Variants in CENPW observed in about 807,000 individuals in gnomAD.
CENPW encodes cancer-up-regulated gene 2 protein.
In CENPW, 3 loss-of-function variants were observed where a neutral mutation model predicts 11.1. The ratio of observed to expected loss-of-function variants is 0.27; its 90% CI spans 0.12 to 0.70. CENPW has a LOEUF of 0.70. Ranked by LOEUF, CENPW falls within the 30% of genes least tolerant of loss-of-function variation. The probability of loss-of-function intolerance (pLI) is 0.77; values close to 1 mark genes in which losing one functional copy is unlikely to be tolerated. For missense variants in CENPW, 100 were observed against 105.6 expected, an observed-to-expected ratio of 0.95 and a Z score of 0.23; for synonymous variants, 38 against 42.0, an observed-to-expected ratio of 0.91 and a Z score of 0.37.
At chr6:126,451,081 C>T in the CENPW span, among the ~76,000 whole-genome samples, 1 of 150,866 alleles carries the variant, frequency 6.6e-6, no homozygotes, top group Non-Finnish European at 1.5e-5. Flanking sequence ...TCTGTTTCAG[C>T]AAATATTAAG....
At chr6:126,387,267 G>C in the CENPW span, among the ~76,000 whole-genome samples, 1 of 151,772 alleles carries the variant, frequency 6.6e-6, no homozygotes, top group South Asian at 2.1e-4. Flanking sequence ...TCACATACTA[G>C]CTACTCTCAA....
the CENPW span, among the ~76,000 whole-genome samples, chr6:126,369,960 G>A: frequency 5.3e-5 from 8 of 152,270 alleles, no homozygotes; most frequent in African/African-American, 1.7e-4. Flanking sequence ...TATAACGTGA[G>A]AGATGAGGAT....
At chr6:126,413,968 C>T in the CENPW span, among the ~76,000 whole-genome samples, 11 of 151,462 alleles carry the variant, frequency 7.3e-5, 1 homozygote, top group Admixed American at 5.9e-4. Context: ...AGTGAAAAAT[C>T]GTAAAAAATA....
At chr6:126,395,094 G>A in the CENPW span, among the ~76,000 whole-genome samples, 1 of 152,006 alleles carries the variant, frequency 6.6e-6, no homozygotes, top group African/African-American at 2.4e-5. Flanking sequence ...GGTTTGGGAA[G>A]TTCTCTGTTA....
the CENPW span, among the ~76,000 whole-genome samples, chr6:126,454,482 A>C: frequency 6.6e-6 from 1 of 151,398 alleles, no homozygotes; most frequent in East Asian, 1.9e-4. Context: ...TTGAGTAAAC[A>C]ATGCAATTAA....
the CENPW span, among the ~76,000 whole-genome samples, chr6:126,353,984 A>T: frequency 9.9e-5 from 15 of 151,946 alleles, no homozygotes; most frequent in East Asian, 2.9e-3. Flanking sequence ...TGTTTTATCT[A>T]TCTTTTTCTT....
chr6:126,385,000 A>G, the CENPW span, among the ~76,000 whole-genome samples: 1 of 152,146 alleles, frequency 6.6e-6, no homozygotes, highest in South Asian at 2.1e-4. Context: ...GGAGAAGCAT[A>G]TGAAAAAAAG....
the CENPW span, among the ~76,000 whole-genome samples, chr6:126,394,853 T>A: frequency 6.6e-6 from 1 of 152,028 alleles, no homozygotes; most frequent in Non-Finnish European, 1.5e-5. Context: ...TTTTTTTTTT[T>A]AATTCAATAC....
At chr6:126,372,552 G>T in the CENPW span, among the ~76,000 whole-genome samples, 4 of 152,058 alleles carry the variant, frequency 2.6e-5, no homozygotes, top group Non-Finnish European at 5.9e-5. Flanking sequence ...ACATTATCAG[G>T]TATAGTTAGT....
At chr6:126,385,212 G>A in the CENPW span, among the ~76,000 whole-genome samples, 1 of 152,002 alleles carries the variant, frequency 6.6e-6, no homozygotes, top group Non-Finnish European at 1.5e-5. Flanking sequence ...TCCTCAAAGA[G>A]CTAAAAACAG....
the CENPW span, among the ~76,000 whole-genome samples, chr6:126,384,405 C>G: frequency 7.9e-5 from 12 of 152,106 alleles, no homozygotes; most frequent in African/African-American, 2.7e-4. Flanking sequence ...AACAAAGCAT[C>G]ATGGTACTAT....
chr6:126,421,114 G>A, the CENPW span, among the ~76,000 whole-genome samples: 1 of 151,986 alleles, frequency 6.6e-6, no homozygotes, highest in African/African-American at 2.4e-5. Flanking sequence ...TTAACTTTCT[G>A]TTACTCTTGT....
chr6:126,462,250 C>A, the CENPW span, among the ~76,000 whole-genome samples: 1 of 151,964 alleles, frequency 6.6e-6, no homozygotes, highest in Admixed American at 6.6e-5. Context: ...ATTAACATAT[C>A]CATCATCTCG....
chr6:126,377,098 GT>G, the CENPW span, among the ~76,000 whole-genome samples: 1 of 152,170 alleles, frequency 6.6e-6, no homozygotes, highest in African/African-American at 2.4e-5. Flanking sequence ...TTCTAATGTT[GT>G]GTGGAGAGTA....
At chr6:126,436,088 A>T in the CENPW span, among the ~76,000 whole-genome samples, 1 of 151,798 alleles carries the variant, frequency 6.6e-6, no homozygotes, top group Non-Finnish European at 1.5e-5. Context: ...GTTTATAATG[A>T]CAGAAAAATA....
At chr6:126,368,362 C>G in the CENPW span, among the ~76,000 whole-genome samples, 1 of 152,064 alleles carries the variant, frequency 6.6e-6, no homozygotes. Flanking sequence ...AGTAAAGGTT[C>G]TGTAATTAAG....
chr6:126,450,527 C>T, the CENPW span, among the ~76,000 whole-genome samples: 85 of 151,022 alleles, frequency 5.6e-4, no homozygotes, highest in African/African-American at 2.0e-3. Context: ...ATTTTTTCTT[C>T]TACCACATGA....
chr6:126,380,359 CAA>C, the CENPW span, among the ~76,000 whole-genome samples: 1 of 152,192 alleles, frequency 6.6e-6, no homozygotes, highest in Non-Finnish European at 1.5e-5. Context: ...GGCTTGCTTT[CAA>C]ATTGTGTATT....
chr6:126,389,886 C>T, the CENPW span, among the ~76,000 whole-genome samples: 5 of 151,782 alleles, frequency 3.3e-5, no homozygotes, highest in Non-Finnish European at 7.4e-5. Context: ...CCCGAAATGC[C>T]CAAATTCATT....
Sources: gnomAD v4.1 joint callset for allele counts (sites outside exome capture counted in the v4.1 genomes callset) on GRCh38, gnomAD v4.1.1 for gene constraint, MANE v1.5 for transcripts, NCBI Gene and HGNC (gene_info 2026-07-23, HGNC 2026-07-21) for gene names.